LARGE1: variants seen among roughly 807,000 people sequenced by gnomAD.
LARGE1 encodes the protein xylosyl- and glucuronyltransferase LARGE1.
Under a neutral mutation model 87.6 loss-of-function variants are expected in LARGE1, and 43 were observed. The observed-to-expected ratio is 0.49, with a 90% confidence interval of 0.38 to 0.63. The LOEUF is 0.63. Ranked by LOEUF, LARGE1 falls within the 30% of genes least tolerant of loss-of-function variation. The pLI is 0.00. For missense variants in LARGE1, 802 were observed against 1,000.2 expected (o/e 0.80, Z 2.67); for synonymous variants, 434 against 394.6 (o/e 1.10, Z -1.18).
intron 2 of LARGE1, among the ~76,000 whole-genome samples, chr22:33,731,902 G>T (rs2083482689): frequency 6.6e-6 from 1 of 152,160 alleles, no homozygotes; most frequent in Non-Finnish European, 1.5e-5. Context: ...GGCAGCTTTA[G>T]ATATAGTCAC....
intron 1 of LARGE1, among the ~76,000 whole-genome samples, chr22:33,860,955 G>C (rs544201477): frequency 1.3e-3 from 194 of 152,274 alleles, no homozygotes; most frequent in Non-Finnish European, 1.9e-3. Flanking sequence ...TGCACCCTCA[G>C]CAAGGTCCTT....
intron 11 of LARGE1, among the ~76,000 whole-genome samples, chr22:33,217,812 C>T (rs1925277786): frequency 6.6e-6 from 1 of 152,132 alleles, no homozygotes; most frequent in South Asian, 2.1e-4. Flanking sequence ...TAACCAGGAT[C>T]TCACTGTGTT....
intron 6 of LARGE1, among the ~76,000 whole-genome samples, chr22:33,537,907 G>A (rs890429400): frequency 1.3e-5 from 2 of 152,176 alleles, no homozygotes; most frequent in African/African-American, 2.4e-5. Context: ...CTAGTGCATG[G>A]ATTAGGCTGA....
chr22:33,826,867 C>A (rs1400353177), intron 1 of LARGE1, among the ~76,000 whole-genome samples: 3 of 152,038 alleles, frequency 2.0e-5, no homozygotes, highest in Non-Finnish European at 4.4e-5. Context: ...AAAAATTTAA[C>A]CCTTTAAAAC....
intron 1 of LARGE1, among the ~76,000 whole-genome samples, chr22:33,897,708 G>A (rs1049176716): frequency 1.3e-5 from 2 of 152,184 alleles, no homozygotes; most frequent in Admixed American, 6.5e-5. Flanking sequence ...ACAAAGCTCC[G>A]TGTTGAAGGG....
chr22:33,617,908 G>A (rs1034672135), intron 4 of LARGE1, among the ~76,000 whole-genome samples: 2 of 152,204 alleles, frequency 1.3e-5, no homozygotes, highest in African/African-American at 4.8e-5. Flanking sequence ...AGGCAAAGAT[G>A]ATTAAGCCAT....
intron 5 of LARGE1, among the ~76,000 whole-genome samples, chr22:33,573,218 C>A (rs574325211): frequency 6.6e-6 from 1 of 152,138 alleles, no homozygotes; most frequent in Non-Finnish European, 1.5e-5. Context: ...GCGGATGGAC[C>A]ACCTGAGGTC....
chr22:33,658,044 T>C (rs2081018179), intron 2 of LARGE1, among the ~76,000 whole-genome samples: 1 of 152,002 alleles, frequency 6.6e-6, no homozygotes, highest in South Asian at 2.1e-4. Flanking sequence ...TCCAGATAAA[T>C]GGCTCTTTCC....
At chr22:33,910,068 T>G (rs1466440263) in intron 1 of LARGE1, among the ~76,000 whole-genome samples, 3 of 152,178 alleles carry the variant, frequency 2.0e-5, no homozygotes. Flanking sequence ...GCCACCACAG[T>G]GCACACATCC....
intron 1 of LARGE1, among the ~76,000 whole-genome samples, chr22:33,860,390 G>C (rs1202993445): frequency 1.3e-5 from 2 of 152,092 alleles, no homozygotes; most frequent in Non-Finnish European, 2.9e-5. Flanking sequence ...CATAGCACCT[G>C]GCATACCATA....
intron 11 of LARGE1, among the ~76,000 whole-genome samples, chr22:33,241,656 ATG>A (rs940211425): frequency 2.0e-5 from 3 of 151,774 alleles, no homozygotes; most frequent in South Asian, 2.1e-4. Flanking sequence ...GTGTGTGTAT[ATG>A]TGTGTGTGTA....
chr22:33,194,575 A>T (rs1923967559), intron 11 of LARGE1, among the ~76,000 whole-genome samples: 1 of 152,202 alleles, frequency 6.6e-6, no homozygotes, highest in Non-Finnish European at 1.5e-5. Flanking sequence ...AGAGAAGTTG[A>T]CATTGAATGT....
intron 2 of LARGE1, among the ~76,000 whole-genome samples, chr22:33,678,753 C>T (rs907844084): frequency 2.6e-5 from 4 of 152,190 alleles, no homozygotes; most frequent in African/African-American, 7.2e-5. Context: ...GCAGAGCGCA[C>T]CATGGGACAG....
chr22:33,104,251 A>G, the LARGE1 span, among the ~76,000 whole-genome samples: 1 of 152,214 alleles, frequency 6.6e-6, no homozygotes, highest in Admixed American at 6.5e-5. Flanking sequence ...TTGGACCTCT[A>G]AGTTTGCCAT....
intron 2 of LARGE1, among the ~76,000 whole-genome samples, chr22:33,746,151 A>C (rs1036425357): frequency 2.0e-5 from 3 of 152,188 alleles, no homozygotes; most frequent in African/African-American, 4.8e-5. Flanking sequence ...CTGAGGTAGG[A>C]GAATGGCGTG....
intron 7 of LARGE1, among the ~76,000 whole-genome samples, chr22:33,405,891 T>C (rs1357166474): frequency 6.6e-6 from 1 of 152,206 alleles, no homozygotes; most frequent in Non-Finnish European, 1.5e-5. Context: ...TAATCTGTGG[T>C]TACGTTAACT....
At position 33,886,958 on chromosome 22, in the gene LARGE1, G is replaced by A. The variant is rs190398129; in HGVS notation, c.-83+33037C>T. 9.9e-5 allele frequency among the ~76,000 whole-genome samples: 15 copies of A among 152,168 alleles called. No individual in the cohort carries two copies. The East Asian group carries it at 2.5e-3, about 26-fold the overall frequency. ...TAAAGTCAACTGGGAAAAGTGCCTCGCAGGGCTTTACAAATACAGAAGGCA... is the reference window on the plus strand; with the variant it reads ...TAAAGTCAACTGGGAAAAGTGCCTCACAGGGCTTTACAAATACAGAAGGCA... On this transcript the variant is annotated intron_variant, in intron 1 of 14. Transcript: ENST00000397394.
chr22:33,693,202 G>C (rs368563193), intron 2 of LARGE1, among the ~76,000 whole-genome samples: 1 of 152,124 alleles, frequency 6.6e-6, no homozygotes, highest in Non-Finnish European at 1.5e-5. Flanking sequence ...ACTACGGTTC[G>C]CAAAGGCAGA....
intron 9 of LARGE1, among the ~76,000 whole-genome samples, chr22:33,356,931 T>C (rs574565039): frequency 1.3e-5 from 2 of 152,308 alleles, no homozygotes; most frequent in Admixed American, 6.5e-5. Flanking sequence ...GAATGGAAAT[T>C]AGTATCTCTA....
Sources: allele counts gnomAD v4.1 joint callset (sites outside exome capture counted in the v4.1 genomes callset), GRCh38; gene constraint gnomAD v4.1.1; transcripts MANE v1.5; gene names NCBI Gene and HGNC (gene_info 2026-07-23, HGNC 2026-07-21).